CNTNAP2: variants seen among roughly 807,000 people sequenced by gnomAD.
CNTNAP2 encodes the protein contactin-associated protein-like 2.
CNTNAP2 carries 98 observed loss-of-function variants against 155.2 expected under a neutral mutation model. The observed-to-expected ratio is 0.63, with a 90% confidence interval of 0.54 to 0.75. CNTNAP2 has a LOEUF of 0.75. Ranked by LOEUF, CNTNAP2 falls within the 30% of genes least tolerant of loss-of-function variation. The pLI is 0.00. For missense variants in CNTNAP2, 1,727 were observed against 1,688.1 expected (o/e 1.02, Z -0.40); for synonymous variants, 651 against 631.2 (o/e 1.03, Z -0.47).
chr7:146,475,237 G>T (rs1403217662), intron 1 of CNTNAP2, among the ~76,000 whole-genome samples: 2 of 152,114 alleles, frequency 1.3e-5, no homozygotes, highest in Non-Finnish European at 2.9e-5. Context: ...GCTGGGTTCA[G>T]GTTTCTAACA....
chr7:147,403,756 C>G lies in CNTNAP2; in HGVS notation c.1670+7976C>G, dbSNP rs942490835. On this transcript the variant is annotated intron_variant, in intron 10 of 23. Transcript: ENST00000361727. ...AGTCCAGACTCTAGAGGTGAATTAT[C>G]CCAGAACCTACTTTATATGATAATT... Among the ~76,000 whole-genome samples the G allele has an allele frequency of 2.6e-5, 4 of 152,082 alleles. No individual in the cohort carries two copies. In the East Asian group the frequency reaches 7.7e-4, roughly 29 times the overall value.
rs190930037 is a variant in CNTNAP2 at position 146,562,118 on chromosome 7, T to G, written c.98-212153T>G. Among the ~76,000 whole-genome samples, 698 of 152,266 alleles carry G rather than the reference T, an allele frequency of 4.6e-3. 5 individuals carry two copies. The highest frequency in any genetic ancestry group is 0.016 in the African/African-American group (651 of 41,552). ...AACATTTTTGAATCTCCTTAACTTG[T>G]TTCTAAATCACCACTCTTATTTCCA... is the stretch of plus-strand genomic sequence containing the variant. On this transcript the variant is annotated intron_variant, in intron 1 of 23. Coordinates refer to ENST00000361727, the MANE Select transcript of CNTNAP2 (RefSeq NM_014141.6).
At chr7:148,344,963 C>T (rs917443319) in intron 21 of CNTNAP2, among the ~76,000 whole-genome samples, 2 of 152,098 alleles carry the variant, frequency 1.3e-5, no homozygotes, top group South Asian at 2.1e-4. Context: ...ATGAGCTGGG[C>T]GACTCTAGGG....
chr7:147,813,876 C>T (rs990455831), intron 13 of CNTNAP2, among the ~76,000 whole-genome samples: 14 of 152,086 alleles, frequency 9.2e-5, no homozygotes, highest in African/African-American at 3.1e-4. Context: ...ACCCTCTCTT[C>T]GTTTTAAAAG....
intron 14 of CNTNAP2, among the ~76,000 whole-genome samples, chr7:147,960,030 T>C (rs1801088125): frequency 6.6e-6 from 1 of 152,148 alleles, no homozygotes; most frequent in Non-Finnish European, 1.5e-5. Context: ...CTCTCCTTCC[T>C]TTAGGCTCAG....
At chr7:147,942,740 A>G (rs1038077295) in intron 14 of CNTNAP2, among the ~76,000 whole-genome samples, 2 of 152,132 alleles carry the variant, frequency 1.3e-5, no homozygotes, top group South Asian at 2.1e-4. Context: ...TGCTATCAAG[A>G]CCACTGTGTC....
chr7:148,010,829 C>T (rs1802067966), intron 15 of CNTNAP2, among the ~76,000 whole-genome samples: 1 of 151,988 alleles, frequency 6.6e-6, no homozygotes, highest in African/African-American at 2.4e-5. Context: ...CTCTTTTGGG[C>T]TCTATATTTT....
chr7:147,878,901 T>A (rs1268180039), intron 13 of CNTNAP2, among the ~76,000 whole-genome samples: 1 of 152,236 alleles, frequency 6.6e-6, no homozygotes, highest in African/African-American at 2.4e-5. Flanking sequence ...CAGGGCTCAA[T>A]GAAGATGTTA....
intron 13 of CNTNAP2, among the ~76,000 whole-genome samples, chr7:147,665,815 G>A (rs111885626): frequency 0.046 from 6,985 of 152,190 alleles, 180 homozygotes; most frequent in Middle Eastern, 0.13. Flanking sequence ...TCTTTTGTAC[G>A]GCTGCATAGT....
chr7:147,392,473 A>G (rs573253595), intron 9 of CNTNAP2, among the ~76,000 whole-genome samples: 2 of 152,080 alleles, frequency 1.3e-5, no homozygotes, highest in East Asian at 3.9e-4. Flanking sequence ...AGCGGTATAC[A>G]CTGAACCCAA....
chr7:147,749,598 G>T (rs927761579), intron 13 of CNTNAP2, among the ~76,000 whole-genome samples: 1 of 152,060 alleles, frequency 6.6e-6, no homozygotes, highest in Non-Finnish European at 1.5e-5. Flanking sequence ...TGATTTTTCA[G>T]CTATTATATT....
chr7:147,436,554 T>G (rs745562397), intron 10 of CNTNAP2, among the ~76,000 whole-genome samples: 26 of 152,134 alleles, frequency 1.7e-4, no homozygotes, highest in Non-Finnish European at 3.2e-4. Context: ...AAGCAAACAT[T>G]ACACTGGGCA....
chr7:147,120,603 TTTTA>T (rs547814127), intron 5 of CNTNAP2, among the ~76,000 whole-genome samples: 88 of 151,486 alleles, frequency 5.8e-4, no homozygotes, highest in South Asian at 3.9e-3. Context: ...TTACATTTTA[TTTTA>T]TTTATTTATT....
intron 1 of CNTNAP2, among the ~76,000 whole-genome samples, chr7:146,623,045 T>A (rs1046020640): frequency 1.3e-5 from 2 of 152,036 alleles, no homozygotes; most frequent in Non-Finnish European, 2.9e-5. Context: ...ATTCTTGTTA[T>A]CATGTATGGG....
intron 11 of CNTNAP2, among the ~76,000 whole-genome samples, chr7:147,525,000 A>G (rs780663769): frequency 1.3e-5 from 2 of 152,240 alleles, no homozygotes; most frequent in Non-Finnish European, 2.9e-5. Context: ...GTTAGCAGGC[A>G]AAGAAAGGAT....
At chr7:147,747,492 A>G (rs1797064443) in intron 13 of CNTNAP2, among the ~76,000 whole-genome samples, 1 of 152,140 alleles carries the variant, frequency 6.6e-6, no homozygotes, top group Non-Finnish European at 1.5e-5. Flanking sequence ...TTATCCATTC[A>G]TCCATTGATG....
chr7:148,400,328 C>G (rs968938616), intron 22 of CNTNAP2, among the ~76,000 whole-genome samples: 2 of 152,184 alleles, frequency 1.3e-5, no homozygotes, highest in East Asian at 3.9e-4. Context: ...TCCTTCAGAC[C>G]GGGGTTTAAA....
chr7:147,341,365 C>A (rs1795759906), intron 9 of CNTNAP2, among the ~76,000 whole-genome samples: 1 of 151,720 alleles, frequency 6.6e-6, no homozygotes, highest in South Asian at 2.1e-4. Context: ...TGCAGCAAAC[C>A]AACATGGCAT....
intron 14 of CNTNAP2, among the ~76,000 whole-genome samples, chr7:147,930,178 GACAA>G (rs1054647442): frequency 5.1e-4 from 78 of 151,618 alleles, no homozygotes; most frequent in African/African-American, 1.3e-3. Context: ...ATAAATACAA[GACAA>G]ACAAACAAAC....
Sources: allele counts gnomAD v4.1 joint callset (sites outside exome capture counted in the v4.1 genomes callset), GRCh38; gene constraint gnomAD v4.1.1; transcripts MANE v1.5; gene names NCBI Gene and HGNC (gene_info 2026-07-23, HGNC 2026-07-21).